Variants in LRBA observed in about 807,000 individuals in gnomAD.
The protein encoded by LRBA is LPS responsive beige-like anchor protein.
LRBA carries 176 observed loss-of-function variants against 330.0 expected under a neutral mutation model. That is an observed-to-expected ratio of 0.53 (90% CI 0.47 to 0.60). The LOEUF (loss-of-function observed/expected upper bound fraction) is 0.60, where lower values mean the gene tolerates loss of function less well. Among genes scored for constraint, LRBA ranks in the 20% least tolerant of loss-of-function variants. The pLI, the probability that LRBA is intolerant of heterozygous loss-of-function variation, is 0.00. For missense variants in LRBA, 3,259 were observed against 3,444.8 expected (o/e 0.95, Z 1.35); for synonymous variants, 1,230 against 1,193.0 (o/e 1.03, Z -0.64).
intron 47 of LRBA, among the ~76,000 whole-genome samples, chr4:150,396,996 C>A (rs1396034963): frequency 6.6e-6 from 1 of 152,080 alleles, no homozygotes; most frequent in African/African-American, 2.4e-5. Flanking sequence ...AATAACTAAT[C>A]ATTAAAAACA....
chr4:150,880,869 T>C (rs1728303684), intron 17 of LRBA, among the ~76,000 whole-genome samples: 2 of 151,978 alleles, frequency 1.3e-5, no homozygotes, highest in South Asian at 2.1e-4. Flanking sequence ...CATTAAAAAA[T>C]GGGAAACGCC....
At chr4:150,704,258 T>C (rs529276724) in intron 36 of LRBA, among the ~76,000 whole-genome samples, 2 of 152,028 alleles carry the variant, frequency 1.3e-5, no homozygotes, top group Admixed American at 1.3e-4. Context: ...TATTATGAAA[T>C]AGATACACAA....
Position 150,697,325 on chromosome 4 carries a change from GAAA to G in LRBA, c.5755-13611_5755-13609del, listed in dbSNP as rs60145657. 5.2e-3 allele frequency among the ~76,000 whole-genome samples: 147 copies of G among 28,046 alleles called. 2 individuals carry two copies. The highest frequency in any genetic ancestry group is 6.6e-3 in the South Asian group (2 of 304). 18.4% of individuals were successfully genotyped at this position (28,046 alleles called of 152,430 possible). ...GGTGACAGAGTGAGACTTTGTCTCA[GAAA>G]AAAAAAAAAAAAAAAAAAAAAAACA... On this transcript the variant is annotated intron_variant, in intron 36 of 56. Transcript: ENST00000651943.
intron 37 of LRBA, among the ~76,000 whole-genome samples, chr4:150,626,302 G>A (rs1471259601): frequency 6.6e-6 from 1 of 152,120 alleles, no homozygotes; most frequent in African/African-American, 2.4e-5. Flanking sequence ...TCAAATAAAA[G>A]TTAAACCTCA....
chr4:150,389,227 C>T (rs1221843140), intron 47 of LRBA, among the ~76,000 whole-genome samples: 1 of 151,992 alleles, frequency 6.6e-6, no homozygotes, highest in Non-Finnish European at 1.5e-5. Flanking sequence ...TGTGGTGACA[C>T]GTGCCTGTAG....
chr4:150,487,742 G>A lies in LRBA; in HGVS notation c.6541C>T (p.Pro2181Ser). ...RVGVGTSFGL[P>S]QTRRISLASP... ...CATATAAAACAGTACCTGGTTTGAG[G>A]CAATCCAAAACTTGTTCCAACGCCA... Residue 2181 changes from proline (P) to serine (S), a missense_variant, in exon 42 of 57, where the codon CCT becomes TCT. By Grantham distance (74) the Pro-to-Ser change is moderately conservative. Coordinates refer to ENST00000651943, the MANE Select transcript of LRBA (RefSeq NM_001364905.1). 1 of 1,591,508 alleles carries A rather than the reference G, an allele frequency of 6.3e-7. No homozygotes were observed. The highest frequency in any genetic ancestry group is 8.6e-7 in the Non-Finnish European group (1 of 1,163,952).
At chr4:150,270,924 G>A (rs1482483066) in intron 56 of LRBA, among the ~76,000 whole-genome samples, 2 of 152,180 alleles carry the variant, frequency 1.3e-5, no homozygotes. Context: ...GCTGGCAATC[G>A]CCGAATAGGA....
intron 37 of LRBA, among the ~76,000 whole-genome samples, chr4:150,606,297 C>T (rs1036107863): frequency 1.3e-5 from 2 of 151,944 alleles, no homozygotes; most frequent in Non-Finnish European, 2.9e-5. Flanking sequence ...TAACAAAAGA[C>T]ATCTAGGAAA....
intron 9 of LRBA, 79 bp from the exon 10 acceptor site, chr4:150,908,936 A>G: frequency 1.1e-6 from 1 of 880,978 alleles, no homozygotes. Context: ...GTAAAACTTT[A>G]AGGAGACAGA....
At chr4:150,543,173 A>G (rs1765501316) in intron 40 of LRBA, among the ~76,000 whole-genome samples, 1 of 152,202 alleles carries the variant, frequency 6.6e-6, no homozygotes, top group Admixed American at 6.5e-5. Context: ...TTGGGACTTG[A>G]AAAGGCCACA....
chr4:150,727,341 T>C (rs1560736886), intron 36 of LRBA, among the ~76,000 whole-genome samples: 1 of 152,132 alleles, frequency 6.6e-6, no homozygotes, highest in Admixed American at 6.6e-5. Flanking sequence ...CCCAAAGTGC[T>C]GGGATTACAG....
At chr4:150,690,921 C>T (rs1784072319) in intron 36 of LRBA, among the ~76,000 whole-genome samples, 2 of 136,660 alleles carry the variant, frequency 1.5e-5, no homozygotes, top group African/African-American at 2.7e-5. Context: ...ATTTAAAACA[C>T]CTGGTCTTTT....
chr4:150,954,079 C>T (rs191082454), intron 2 of LRBA, among the ~76,000 whole-genome samples: 3 of 149,354 alleles, frequency 2.0e-5, no homozygotes, highest in Non-Finnish European at 4.5e-5. Flanking sequence ...GAAGCCCCTC[C>T]ACCCAGCAGC....
Position 150,650,921 on chromosome 4 carries a change from TA to T in LRBA, c.5921+32629del, listed in dbSNP as rs1390472287. 3.9e-5 allele frequency among the ~76,000 whole-genome samples: 6 copies of T among 152,280 alleles called. No individual in the cohort carries two copies. The South Asian group carries it at 1.0e-3, about 26-fold the overall frequency. ...CCATCATGTCTATTATTACTGTGAC[TA>T]AATGGGATTAACTAATCCTCATGAG... On this transcript the variant is annotated intron_variant, in intron 37 of 56. Coordinates refer to ENST00000651943, the MANE Select transcript of LRBA (RefSeq NM_001364905.1).
intron 2 of LRBA, among the ~76,000 whole-genome samples, chr4:150,983,107 AAAC>A (rs1342177950): frequency 1.3e-5 from 2 of 152,138 alleles, no homozygotes; most frequent in South Asian, 2.1e-4. Context: ...GAAAAAGAAA[AAAC>A]AACATTATAA....
chr4:150,571,940 T>A (rs535152793), intron 40 of LRBA, among the ~76,000 whole-genome samples: 1 of 152,044 alleles, frequency 6.6e-6, no homozygotes, highest in East Asian at 1.9e-4. Flanking sequence ...CCACTTCTAG[T>A]TATAAATATT....
At chr4:150,340,481 T>C (rs946118148) in intron 48 of LRBA, among the ~76,000 whole-genome samples, 1 of 152,212 alleles carries the variant, frequency 6.6e-6, no homozygotes, top group African/African-American at 2.4e-5. Context: ...GTGTGTTCAA[T>C]TTAATGTCAT....
At chr4:150,460,034 C>T (rs1340885711) in intron 44 of LRBA, among the ~76,000 whole-genome samples, 1 of 151,654 alleles carries the variant, frequency 6.6e-6, no homozygotes, top group Non-Finnish European at 1.5e-5. Flanking sequence ...CAAGTTTAAA[C>T]AATATTCCCC....
intron 42 of LRBA, among the ~76,000 whole-genome samples, chr4:150,480,330 A>G (rs1445205786): frequency 2.6e-5 from 4 of 152,166 alleles, no homozygotes; most frequent in African/African-American, 4.8e-5. Context: ...CTTGTTATTA[A>G]GTCCATACAT....
Sources: gnomAD v4.1 joint callset for allele counts (sites outside exome capture counted in the v4.1 genomes callset) on GRCh38, gnomAD v4.1.1 for gene constraint, MANE v1.5 for transcripts, NCBI Gene and HGNC (gene_info 2026-07-23, HGNC 2026-07-21) for gene names.